The following PLB1 variants were observed in gnomAD, a reference collection of about 807,000 sequenced individuals.
PLB1 encodes phospholipase B1, membrane-associated.
In PLB1, 242 loss-of-function variants were observed where a neutral mutation model predicts 227.4. The observed-to-expected ratio is 1.06, with a 90% CI of 0.96 to 1.18. The LOEUF (loss-of-function observed/expected upper bound fraction) is 1.18. Ranked by LOEUF, PLB1 falls within the 50% of genes most tolerant of loss-of-function variation. The pLI is 0.00. For missense variants in PLB1, 1,858 were observed against 1,816.3 expected, an observed-to-expected ratio of 1.02 and a Z score of -0.42; for synonymous variants, 757 against 682.2, an observed-to-expected ratio of 1.11 and a Z score of -1.71.
chr2:28,570,326 G>A (rs1677793578), intron 20 of PLB1, among the ~76,000 whole-genome samples: 1 of 152,118 alleles, frequency 6.6e-6, no homozygotes, highest in South Asian at 2.1e-4. Flanking sequence ...TATACCTCAT[G>A]ACTAAGTGGA....
At chr2:28,534,304 TTGAC>T (rs1268900832) in intron 9 of PLB1, among the ~76,000 whole-genome samples, 1 of 152,230 alleles carries the variant, frequency 6.6e-6, no homozygotes, top group Non-Finnish European at 1.5e-5. Flanking sequence ...GCTCATTTAC[TTGAC>T]TATGTGGAAG....
rs768772147 is a variant in PLB1, at chr2:28,626,439, G to A, written c.3591G>A (p.Leu1197=). ...TTCTGTCCCCTCAGGACATCAACCTGGAGAAAGACTGGAAGCTGGTCACAC... is the reference window on the plus strand; with the variant it reads ...TTCTGTCCCCTCAGGACATCAACCTAGAGAAAGACTGGAAGCTGGTCACAC... ...ERMKNSPDIN[L]EKDWKLVTLF... Residue 1197 remains leucine, a synonymous_variant, in exon 51 of 58, where the codon CTG becomes CTA. Transcript: ENST00000327757. The A allele has an allele frequency of 2.5e-6, 4 of 1,613,920 alleles. No homozygotes were observed. In the African/African-American group the frequency reaches 5.3e-5, roughly 22 times the overall value.
intron 41 of PLB1, 24 bp downstream of exon 41, chr2:28,604,783 G>A: frequency 3.1e-6 from 5 of 1,598,910 alleles, no homozygotes; most frequent in Non-Finnish European, 4.3e-6. Context: ...CCTCACCCAT[G>A]GTACTCTTTT....
chr2:28,529,257 G>A (rs1156264954), intron 6 of PLB1, 60 bp from the exon 7 acceptor site: 4 of 1,212,170 alleles, frequency 3.3e-6, no homozygotes, highest in African/African-American at 3.0e-5. Context: ...AGGTAGGTCA[G>A]TCTTTAGAGG....
At chr2:28,524,736 C>T in intron 4 of PLB1, among the ~76,000 whole-genome samples, 1 of 152,106 alleles carries the variant, frequency 6.6e-6, no homozygotes, top group East Asian at 1.9e-4. Context: ...ACGTCCCACA[C>T]CTTCCATCGC....
intron 1 of PLB1, among the ~76,000 whole-genome samples, chr2:28,507,403 G>A (rs1558634462): frequency 6.6e-6 from 1 of 152,194 alleles, no homozygotes; most frequent in African/African-American, 2.4e-5. Context: ...TCCCATGACA[G>A]AAGGCAAAAT....
intron 1 of PLB1, among the ~76,000 whole-genome samples, chr2:28,507,798 C>G (rs1406773231): frequency 1.3e-5 from 2 of 152,306 alleles, no homozygotes; most frequent in Admixed American, 6.5e-5. Flanking sequence ...GGAGGGTGCA[C>G]TGGTCTCTGC....
chr2:28,499,517 A>G (rs1666840289), intron 1 of PLB1, among the ~76,000 whole-genome samples: 1 of 149,668 alleles, frequency 6.7e-6, no homozygotes, highest in African/African-American at 2.5e-5. Flanking sequence ...TGGTGCCTGC[A>G]CAACAGTTTT....
chr2:28,610,831 C>T (rs1041030207), intron 43 of PLB1, among the ~76,000 whole-genome samples: 7 of 152,040 alleles, frequency 4.6e-5, no homozygotes, highest in Admixed American at 2.0e-4. Flanking sequence ...CAGCCCACAC[C>T]GTCTTTGCAT....
At chr2:28,518,588 C>A in intron 3 of PLB1, 56 bp downstream of exon 3, 1 of 1,325,588 alleles carries the variant, frequency 7.5e-7, no homozygotes, top group Middle Eastern at 1.8e-4. Context: ...TCTGAAGTGG[C>A]CAGCAGAGGC....
chr2:28,568,283 G>A (rs1051386409), intron 20 of PLB1, among the ~76,000 whole-genome samples: 1 of 152,096 alleles, frequency 6.6e-6, no homozygotes, highest in Non-Finnish European at 1.5e-5. Context: ...TAGCTTTCTG[G>A]GCTCTTTACT....
At chr2:28,562,934 T>C (rs964416718) in intron 17 of PLB1, 107 bp from the exon 18 acceptor site, 26 of 1,114,520 alleles carry the variant, frequency 2.3e-5, no homozygotes, top group Non-Finnish European at 3.3e-5. Flanking sequence ...TGGTAAAAAC[T>C]GACTTTTTCT....
Position 28,620,589 on chromosome 2 carries a change from C to A in PLB1, c.3384-11C>A. On this transcript the variant is annotated splice_polypyrimidine_tract_variant and intron_variant, in intron 47 of 57. Coordinates refer to ENST00000327757, the MANE Select transcript of PLB1 (RefSeq NM_153021.5). Reference sequence around the variant, plus strand: ...GGTGTGAGTTTAACAAATATGCTTTCTCCTCCCCAGCATTGGAGGGGATGG... The same window carrying A: ...GGTGTGAGTTTAACAAATATGCTTTATCCTCCCCAGCATTGGAGGGGATGG... 6.2e-7 allele frequency: 1 copy of A among 1,611,904 alleles called. No individual in the cohort carries two copies. The highest frequency in any genetic ancestry group is 8.5e-7 in the Non-Finnish European group (1 of 1,179,110).
intron 56 of PLB1, among the ~76,000 whole-genome samples, chr2:28,637,799 G>A (rs772454204): frequency 1.3e-5 from 2 of 151,998 alleles, no homozygotes; most frequent in Non-Finnish European, 2.9e-5. Flanking sequence ...CTCAACTCAG[G>A]TGCCACCTCC....
rs552457387 is a variant in PLB1, at chr2:28,520,186, C to T, written c.243+423C>T. ...CAGGTAATCTGCCCGCCTTGGCCCC[C>T]CAAAGTGCTGGGATTACAGGCGTGA... On this transcript the variant is annotated intron_variant, in intron 4 of 57. Transcript: ENST00000327757. Among the ~76,000 whole-genome samples the T allele has an allele frequency of 6.2e-4, 95 of 152,018 alleles. 1 individual carries two copies. The East Asian group carries it at 0.012, about 19-fold the overall frequency.
At chr2:28,516,569 A>G (rs1668872528) in intron 1 of PLB1, among the ~76,000 whole-genome samples, 1 of 152,176 alleles carries the variant, frequency 6.6e-6, no homozygotes, top group Non-Finnish European at 1.5e-5. Flanking sequence ...GACCCCTCCC[A>G]GATAACACTT....
chr2:28,535,790 G>A (rs1175577901), intron 9 of PLB1, among the ~76,000 whole-genome samples: 1 of 152,094 alleles, frequency 6.6e-6, no homozygotes, highest in Non-Finnish European at 1.5e-5. Flanking sequence ...GTGTGGTGGT[G>A]CATGCCTGTA....
chr2:28,600,963 T>C (rs1235541149), intron 36 of PLB1, 103 bp downstream of exon 36: 4 of 1,067,634 alleles, frequency 3.7e-6, no homozygotes, highest in Non-Finnish European at 5.6e-6. Context: ...CCCCATGTTA[T>C]TAGAGGCATT....
At chr2:28,519,661 G>A (rs1326830018) in intron 3 of PLB1, 44 bp from the exon 4 acceptor site, 4 of 1,439,884 alleles carry the variant, frequency 2.8e-6, no homozygotes, top group Non-Finnish European at 3.9e-6. Context: ...GACATCATGG[G>A]GAATGTAGAT....
Sources: allele counts gnomAD v4.1 joint callset (sites outside exome capture counted in the v4.1 genomes callset), GRCh38; gene constraint gnomAD v4.1.1; transcripts MANE v1.5; gene names NCBI Gene and HGNC (gene_info 2026-07-23, HGNC 2026-07-21).